Variants in MYO5A observed in about 807,000 individuals in gnomAD.
MYO5A encodes unconventional myosin-Va.
MYO5A carries 98 observed loss-of-function variants against 249.7 expected under a neutral mutation model. The ratio of observed to expected loss-of-function variants is 0.39; its 90% CI spans 0.33 to 0.46. The LOEUF is 0.46. MYO5A is among the 20% of genes least tolerant of loss of function. The pLI is 0.98. For synonymous variants in MYO5A, 778 were observed against 810.6 expected, an observed-to-expected ratio of 0.96 and a Z score of 0.68; for missense variants, 1,696 against 2,308.8, an observed-to-expected ratio of 0.73 and a Z score of 5.44.
intron 36 of MYO5A, among the ~76,000 whole-genome samples, chr15:52,324,763 T>A (rs1433559555): frequency 6.6e-6 from 1 of 152,042 alleles, no homozygotes; most frequent in Non-Finnish European, 1.5e-5. Context: ...GTAAATAAAA[T>A]CACCTTTTTA....
At chr15:52,512,155 T>G (rs1173224811) in intron 1 of MYO5A, among the ~76,000 whole-genome samples, 5 of 139,070 alleles carry the variant, frequency 3.6e-5, no homozygotes, top group African/African-American at 1.1e-4. Context: ...AGAGCAAGAC[T>G]GTCTCAAAAA....
At chr15:52,329,975 G>GTT (rs776658151) in intron 35 of MYO5A, among the ~76,000 whole-genome samples, 37 of 134,280 alleles carry the variant, frequency 2.8e-4, no homozygotes, top group African/African-American at 1.1e-3. Context: ...GGCCTTGAGG[G>GTT]TTTTTTCTTT....
chr15:52,443,582 G>A (rs1469847364), intron 1 of MYO5A, among the ~76,000 whole-genome samples: 1 of 151,504 alleles, frequency 6.6e-6, no homozygotes, highest in Non-Finnish European at 1.5e-5. Flanking sequence ...ATGGTGGTGG[G>A]TGCCTGTAAT....
chr15:52,381,185 G>GT (rs66909523), intron 16 of MYO5A, among the ~76,000 whole-genome samples: 135,302 of 152,172 alleles, frequency 0.89, 62,159 homozygotes, highest in Non-Finnish European at 1. Flanking sequence ...CTTCTCAGGT[G>GT]TCTGTTGGTG....
intron 8 of MYO5A, 60 bp from the exon 9 acceptor site, chr15:52,405,453 A>T: frequency 7.9e-7 from 1 of 1,264,592 alleles, no homozygotes; most frequent in South Asian, 1.2e-5. Flanking sequence ...AAACAATTAC[A>T]GCAGACAATT....
chr15:52,415,580 C>A (rs1192288652), intron 5 of MYO5A, among the ~76,000 whole-genome samples: 4 of 151,458 alleles, frequency 2.6e-5, no homozygotes, highest in Admixed American at 2.6e-4. Context: ...ACAACAACAA[C>A]AAAAAGCTTA....
At chr15:52,399,809 A>G (rs2042666110) in intron 9 of MYO5A, among the ~76,000 whole-genome samples, 1 of 152,066 alleles carries the variant, frequency 6.6e-6, no homozygotes, top group Non-Finnish European at 1.5e-5. Context: ...TGTTTTTTTC[A>G]ACCATTACCC....
rs2037728938 is a variant in MYO5A at position 52,310,020 on chromosome 15, GC to G, written c.*3675del. 1 of 152,090 alleles carries G rather than the reference GC, an allele frequency of 6.6e-6. No homozygotes were observed. Among genetic ancestry groups the G allele is most frequent in the Non-Finnish European group, 1.5e-5 (1 of 68,014 alleles). 9.4% of individuals were successfully genotyped at this position (152,090 alleles called of 1,614,324 possible). ...TTTTCATAGCCTCCCCTAACATGTAGCTGTAACCTTAGTAAAAGATTTGATC... is the reference window on the plus strand; with the variant it reads ...TTTTCATAGCCTCCCCTAACATGTAGTGTAACCTTAGTAAAAGATTTGATC... On this transcript the variant is annotated 3_prime_UTR_variant, in exon 42 of 42. Transcript: ENST00000399233.
intron 1 of MYO5A, among the ~76,000 whole-genome samples, chr15:52,503,254 T>G (rs977316192): frequency 8.5e-5 from 13 of 152,222 alleles, no homozygotes; most frequent in African/African-American, 2.7e-4. Flanking sequence ...ACTGATTAGA[T>G]CTTTATAAAT....
intron 1 of MYO5A, among the ~76,000 whole-genome samples, chr15:52,492,467 G>T (rs754739554): frequency 5.3e-5 from 8 of 152,182 alleles, no homozygotes; most frequent in Non-Finnish European, 1.0e-4. Flanking sequence ...CTGAGGACAG[G>T]TTACATAGGC....
intron 1 of MYO5A, among the ~76,000 whole-genome samples, chr15:52,443,033 G>A (rs930059262): frequency 2.6e-5 from 4 of 152,140 alleles, no homozygotes; most frequent in Admixed American, 2.0e-4. Flanking sequence ...TTACAGGCGT[G>A]AGCCACCGTG....
chr15:52,314,587 A>T (rs1462185548), intron 40 of MYO5A, among the ~76,000 whole-genome samples: 1 of 152,208 alleles, frequency 6.6e-6, no homozygotes, highest in Non-Finnish European at 1.5e-5. Flanking sequence ...TTTTTATACA[A>T]ATGGGATTCA....
chr15:52,450,316 C>T (rs1006036537), intron 1 of MYO5A, among the ~76,000 whole-genome samples: 43 of 151,670 alleles, frequency 2.8e-4, no homozygotes, highest in African/African-American at 8.2e-4. Context: ...GTGCTTAGTA[C>T]GTAGAAGGCA....
chr15:52,421,288 A>AC (rs1160526573), intron 4 of MYO5A, among the ~76,000 whole-genome samples: 1 of 152,164 alleles, frequency 6.6e-6, no homozygotes, highest in Non-Finnish European at 1.5e-5. Context: ...GGAAGGGGCC[A>AC]CCCTAAGGAA....
chr15:52,345,669 T>C (rs1426630668), intron 30 of MYO5A, among the ~76,000 whole-genome samples: 2 of 152,142 alleles, frequency 1.3e-5, no homozygotes, highest in African/African-American at 4.8e-5. Flanking sequence ...AAAAATATTT[T>C]CCATCCTCCA....
rs74782950 is a variant in MYO5A at position 52,385,942 on chromosome 15, C to T, written c.1753-1620G>A. Among the ~76,000 whole-genome samples the T allele has an allele frequency of 4.6e-5, 7 of 152,252 alleles. No homozygotes were observed. In the East Asian group the frequency reaches 9.6e-4, roughly 21 times the overall value. ...TGCAAATGATTTGTCAGAATGCATA[C>T]CCACCTTATGATGACTAAGGACTCA... On this transcript the variant is annotated intron_variant, in intron 14 of 41. Coordinates refer to ENST00000399233, the MANE Select transcript of MYO5A (RefSeq NM_001382347.1).
chr15:52,343,480 G>C (rs1262667260), intron 30 of MYO5A, among the ~76,000 whole-genome samples: 1 of 152,150 alleles, frequency 6.6e-6, no homozygotes, highest in African/African-American at 2.4e-5. Flanking sequence ...TGAGAAAGAG[G>C]TTCTGTTTTT....
intron 1 of MYO5A, among the ~76,000 whole-genome samples, chr15:52,514,122 G>GA (rs2077451354): frequency 6.6e-6 from 1 of 152,120 alleles, no homozygotes; most frequent in African/African-American, 2.4e-5. Flanking sequence ...AGAAGATTTG[G>GA]AAAAAACTTT....
intron 1 of MYO5A, among the ~76,000 whole-genome samples, chr15:52,450,514 C>A (rs1397325237): frequency 6.6e-6 from 1 of 151,416 alleles, no homozygotes; most frequent in African/African-American, 2.4e-5. Context: ...CAAAAAAATA[C>A]AAAAATTAGT....
Sources: allele counts gnomAD v4.1 joint callset (sites outside exome capture counted in the v4.1 genomes callset), GRCh38; gene constraint gnomAD v4.1.1; transcripts MANE v1.5; gene names NCBI Gene and HGNC (gene_info 2026-07-23, HGNC 2026-07-21).